Variants in DTNA observed in about 807,000 individuals in gnomAD.
DTNA encodes the protein dystrobrevin alpha.
Under a neutral mutation model 100.7 loss-of-function variants are expected in DTNA, and 43 were observed. The observed-to-expected ratio is 0.43, with a 90% CI of 0.33 to 0.55. The LOEUF is 0.55. Among genes scored for constraint, DTNA ranks in the 20% least tolerant of loss-of-function variants. The probability of loss-of-function intolerance (pLI) is 0.04; values close to 1 mark genes in which losing one functional copy is unlikely to be tolerated. For synonymous variants in DTNA, 349 were observed against 347.9 expected (o/e 1.00, Z -0.04); for missense variants, 798 against 953.9 (o/e 0.84, Z 2.15).
intron 1 of DTNA, among the ~76,000 whole-genome samples, chr18:34,647,113 T>C (rs1471184126): frequency 6.6e-6 from 1 of 151,976 alleles, no homozygotes; most frequent in African/African-American, 2.4e-5. Context: ...ACCTGTCCAA[T>C]GGTTCCTCTT....
intron 1 of DTNA, among the ~76,000 whole-genome samples, chr18:34,655,021 C>T (rs1050930300): frequency 6.6e-6 from 1 of 152,110 alleles, no homozygotes; most frequent in African/African-American, 2.4e-5. Flanking sequence ...ACCACCGTGC[C>T]CGGCCTAATT....
At chr18:34,515,911 CCCCA>C (rs1209944276) in intron 1 of DTNA, among the ~76,000 whole-genome samples, 1 of 152,062 alleles carries the variant, frequency 6.6e-6, no homozygotes, top group African/African-American at 2.4e-5. Context: ...TATCATTTAG[CCCCA>C]CCCTTTCATT....
At chr18:34,650,539 A>G (rs2060325452) in intron 1 of DTNA, among the ~76,000 whole-genome samples, 1 of 152,284 alleles carries the variant, frequency 6.6e-6, no homozygotes, top group South Asian at 2.1e-4. Flanking sequence ...TCATCGTTTG[A>G]ATTTGAAGCC....
chr18:34,577,879 G>T (rs1229490886), intron 1 of DTNA, among the ~76,000 whole-genome samples: 1 of 150,886 alleles, frequency 6.6e-6, no homozygotes, highest in Non-Finnish European at 1.5e-5. Context: ...ATTTGGATTG[G>T]TTCCACATTT....
intron 1 of DTNA, among the ~76,000 whole-genome samples, chr18:34,636,638 T>A (rs754401949): frequency 2.5e-4 from 38 of 151,798 alleles, no homozygotes; most frequent in Non-Finnish European, 4.4e-4. Flanking sequence ...TGATGAAGAG[T>A]GTATTGATTT....
intron 1 of DTNA, among the ~76,000 whole-genome samples, chr18:34,541,705 A>C (rs2044263568): frequency 6.6e-6 from 1 of 152,070 alleles, no homozygotes; most frequent in Non-Finnish European, 1.5e-5. Context: ...TAGGTTAGAA[A>C]ATAAAGGATT....
chr18:34,663,716 A>G (rs2075518019), intron 1 of DTNA, among the ~76,000 whole-genome samples: 1 of 152,186 alleles, frequency 6.6e-6, no homozygotes, highest in Non-Finnish European at 1.5e-5. Flanking sequence ...ACTGACAGGA[A>G]TTTCTGACAA....
At position 34,885,120 on chromosome 18, in the gene DTNA, C is replaced by T. The variant is rs191707822; in HGVS notation, c.*31+344C>T. ...CCATGACAATATCGGAGTTTGTAGCCGCTCTAGCACTTGAAAAGGAAAAGT... is the reference window on the plus strand; with the variant it reads ...CCATGACAATATCGGAGTTTGTAGCTGCTCTAGCACTTGAAAAGGAAAAGT... On this transcript the variant is annotated intron_variant, in intron 22 of 22. Transcript: ENST00000444659. 1.6e-4 allele frequency among the ~76,000 whole-genome samples: 25 copies of T among 152,230 alleles called. No individual in the cohort carries two copies. The East Asian group carries it at 4.1e-3, about 25-fold the overall frequency.
At chr18:34,772,698 A>G (rs994328378) in intron 3 of DTNA, among the ~76,000 whole-genome samples, 2 of 152,178 alleles carry the variant, frequency 1.3e-5, no homozygotes, top group African/African-American at 4.8e-5. Context: ...TGCCACTATG[A>G]ATTTTCTATT....
chr18:34,705,743 A>G (rs1220369818), upstream of DTNA, among the ~76,000 whole-genome samples: 17 of 152,206 alleles, frequency 1.1e-4, no homozygotes, highest in Admixed American at 9.8e-4. Context: ...CCAAAAATTT[A>G]TATACAAAGA....
At chr18:34,875,421 G>T in intron 18 of DTNA, 23 bp downstream of exon 18, 2 of 1,613,978 alleles carry the variant, frequency 1.2e-6, no homozygotes, top group Non-Finnish European at 1.7e-6. Context: ...ATTTTTTGTT[G>T]TGGTCTGCTT....
chr18:34,747,336 A>AT (rs1027656744), intron 1 of DTNA, among the ~76,000 whole-genome samples: 7 of 151,052 alleles, frequency 4.6e-5, no homozygotes, highest in East Asian at 1.9e-4. Context: ...GGGTGCTTTT[A>AT]TTTTTTTTTA....
intron 17 of DTNA, among the ~76,000 whole-genome samples, chr18:34,865,641 CA>C (rs1289138386): frequency 2.0e-5 from 3 of 152,122 alleles, no homozygotes. Context: ...ATTTGATAAC[CA>C]AAAATAAACT....
At chr18:34,821,773 T>C (rs953801722) in intron 9 of DTNA, among the ~76,000 whole-genome samples, 9 of 152,194 alleles carry the variant, frequency 5.9e-5, no homozygotes, top group African/African-American at 2.2e-4. Flanking sequence ...AGGGCCTGTG[T>C]TTGCATGTTG....
In DTNA at chr18:34,890,264, A is replaced by C; in HGVS notation, c.*2530A>C. ...CTCTGGAAACTGCCGCCAATGACCA[A>C]TTTCTGACTAACCAGCCACCTTTTC... On this transcript the variant is annotated 3_prime_UTR_variant, in exon 23 of 23. Transcript: ENST00000444659. The C allele has an allele frequency of 6.6e-7, 1 of 1,526,284 alleles. No homozygotes were observed. The highest frequency in any genetic ancestry group is 8.8e-7 in the Non-Finnish European group (1 of 1,140,698). 94.5% of individuals were successfully genotyped at this position (1,526,284 alleles called of 1,614,324 possible).
chr18:34,814,427 C>T (rs780695465), intron 6 of DTNA, among the ~76,000 whole-genome samples: 1 of 151,298 alleles, frequency 6.6e-6, no homozygotes, highest in Non-Finnish European at 1.5e-5. Context: ...ATGGCTCACA[C>T]AGTAATCCTA....
intron 4 of DTNA, among the ~76,000 whole-genome samples, chr18:34,801,873 T>C (rs538005295): frequency 2.6e-5 from 4 of 152,340 alleles, no homozygotes; most frequent in Admixed American, 2.6e-4. Flanking sequence ...CTGTGCCTTT[T>C]ATATTACCAA....
chr18:34,848,496 A>G, intron 14 of DTNA, 113 bp downstream of exon 14: 1 of 1,140,262 alleles, frequency 8.8e-7, no homozygotes, highest in Non-Finnish European at 1.3e-6. Context: ...ATTTGTGCTA[A>G]TTTATTGTGC....
At chr18:34,715,539 T>A (rs2083863926) in intron 1 of DTNA, among the ~76,000 whole-genome samples, 1 of 152,080 alleles carries the variant, frequency 6.6e-6, no homozygotes, top group South Asian at 2.1e-4. Context: ...TTTTGATTTG[T>A]TTGGTGGAAC....
Sources: allele counts gnomAD v4.1 joint callset (sites outside exome capture counted in the v4.1 genomes callset), GRCh38; gene constraint gnomAD v4.1.1; transcripts MANE v1.5; gene names NCBI Gene and HGNC (gene_info 2026-07-23, HGNC 2026-07-21).